Variants in DENND5B observed in about 807,000 individuals in gnomAD.
DENND5B encodes DENN domain-containing protein 5B.
In DENND5B, 34 loss-of-function variants were observed where a neutral mutation model predicts 140.6. The ratio of observed to expected loss-of-function variants is 0.24; its 90% confidence interval spans 0.18 to 0.32. The LOEUF (loss-of-function observed/expected upper bound fraction) is 0.32, where lower values mean the gene tolerates loss of function less well. Ranked by LOEUF, DENND5B falls within the 10% of genes least tolerant of loss-of-function variation. The pLI, the probability that DENND5B is intolerant of heterozygous loss-of-function variation, is 1.00. For missense variants in DENND5B, 1,142 were observed against 1,560.2 expected (o/e 0.73, Z 4.52); for synonymous variants, 551 against 562.1 (o/e 0.98, Z 0.28).
intron 1 of DENND5B, among the ~76,000 whole-genome samples, chr12:31,559,882 T>G (rs1949414945): frequency 6.6e-6 from 1 of 152,168 alleles, no homozygotes; most frequent in East Asian, 1.9e-4. Context: ...AAAAAAGAGA[T>G]ACTCTTAGTG....
chr12:31,423,087 C>A (rs1470237491), intron 11 of DENND5B, among the ~76,000 whole-genome samples: 1 of 151,934 alleles, frequency 6.6e-6, no homozygotes, highest in African/African-American at 2.4e-5. Context: ...ACTACAGGCA[C>A]CTGCCACCAC....
At chr12:31,443,664 C>T (rs1944147792) in intron 6 of DENND5B, 1 of 152,134 alleles carries the variant, frequency 6.6e-6, no homozygotes, top group Non-Finnish European at 1.5e-5. Context: ...GACGCAAGCA[C>T]AATGGCCTTA....
At chr12:31,532,053 G>A (rs1446261719) in intron 1 of DENND5B, among the ~76,000 whole-genome samples, 1 of 152,198 alleles carries the variant, frequency 6.6e-6, no homozygotes, top group African/African-American at 2.4e-5. Flanking sequence ...GGAATTTCCA[G>A]TTTGGGGAGA....
At chr12:31,443,161 T>C (rs1267028518) in intron 6 of DENND5B, among the ~76,000 whole-genome samples, 1 of 152,190 alleles carries the variant, frequency 6.6e-6, no homozygotes, top group Non-Finnish European at 1.5e-5. Context: ...CTGCAATCTC[T>C]ACCTCCTGGG....
At chr12:31,397,946 A>C (rs1941574858) in intron 17 of DENND5B, among the ~76,000 whole-genome samples, 1 of 152,124 alleles carries the variant, frequency 6.6e-6, no homozygotes, top group African/African-American at 2.4e-5. Context: ...TTTCAGGTAA[A>C]ATATTTACTC....
At chr12:31,447,802 A>C (rs1165724625) in intron 5 of DENND5B, 33 bp from the exon 6 acceptor site, 1 of 1,449,216 alleles carries the variant, frequency 6.9e-7, no homozygotes, top group Admixed American at 2.0e-5. Context: ...TTATTAGTGC[A>C]AAGAGACCAT....
intron 8 of DENND5B, among the ~76,000 whole-genome samples, chr12:31,426,926 C>A (rs1943263085): frequency 6.6e-6 from 1 of 152,182 alleles, no homozygotes; most frequent in South Asian, 2.1e-4. Flanking sequence ...ACAGTAAAAT[C>A]AGGAGCTTTC....
At chr12:31,576,905 A>C (rs1416770370) in intron 1 of DENND5B, among the ~76,000 whole-genome samples, 1 of 152,076 alleles carries the variant, frequency 6.6e-6, no homozygotes, top group East Asian at 1.9e-4. Context: ...TTTCTAAAAA[A>C]AAAAAGAGCG....
chr12:31,442,899 T>G lies in DENND5B; in HGVS notation c.1888A>C (p.Lys630Gln). 1 of 1,593,598 alleles carries G rather than the reference T, an allele frequency of 6.3e-7. No homozygotes were observed. Among genetic ancestry groups the G allele is most frequent in the Non-Finnish European group, 8.6e-7 (1 of 1,169,238 alleles). The change falls in exon 7 of 21, where the codon AAA becomes CAA. Residue 630 changes from lysine (K) to glutamine (Q), a missense_variant. This residue lies in a region of DENND5B where 708 missense variants were observed against 905.5 expected (regional missense o/e 0.78). Transcript: ENST00000389082. ...AAQSIEQRLM[K>Q]MDHTAIHPHL... ...GGGTGGATTGCAGTGTGATCCATTT[T>G]CATCAGTCTCTGCTCAATTGATTGG...
At position 31,387,591 on chromosome 12, in the gene DENND5B, T is replaced by C. The variant is rs367598612; in HGVS notation, c.*12A>G. The C allele has an allele frequency of 1.2e-5, 20 of 1,609,754 alleles. No individual in the cohort carries two copies. Among genetic ancestry groups the C allele is most frequent in the Non-Finnish European group, 1.7e-5 (20 of 1,176,758 alleles). ...GAGCAAGGTTTGGACTGAGAGTTTC[T>C]AGCCAGTTGGGTTACACATCCACTC... On this transcript the variant is annotated 3_prime_UTR_variant, in exon 21 of 21. Coordinates refer to ENST00000389082, the MANE Select transcript of DENND5B (RefSeq NM_144973.4).
At chr12:31,501,663 C>T (rs1251149982) in intron 1 of DENND5B, among the ~76,000 whole-genome samples, 4 of 151,332 alleles carry the variant, frequency 2.6e-5, no homozygotes, top group Non-Finnish European at 5.9e-5. Flanking sequence ...GTCCCAGCTA[C>T]TTGGGAGGCT....
At chr12:31,568,332 C>T (rs1349434891) in intron 1 of DENND5B, among the ~76,000 whole-genome samples, 1 of 152,176 alleles carries the variant, frequency 6.6e-6, no homozygotes, top group African/African-American at 2.4e-5. Flanking sequence ...AACACAAAAT[C>T]CTAAATACTT....
chr12:31,437,028 C>G (rs1253629961), intron 7 of DENND5B, among the ~76,000 whole-genome samples: 1 of 152,148 alleles, frequency 6.6e-6, no homozygotes, highest in Non-Finnish European at 1.5e-5. Flanking sequence ...ATTATAGTAT[C>G]TATCACAGAG....
At chr12:31,441,578 C>G (rs1944034467) in intron 7 of DENND5B, among the ~76,000 whole-genome samples, 1 of 151,966 alleles carries the variant, frequency 6.6e-6, no homozygotes, top group South Asian at 2.1e-4. Flanking sequence ...AACTCCTGGG[C>G]TCAAGTGATC....
intron 17 of DENND5B, 84 bp from the exon 18 acceptor site, chr12:31,392,780 G>A: frequency 1.5e-6 from 2 of 1,307,822 alleles, no homozygotes; most frequent in South Asian, 1.4e-5. Flanking sequence ...GTCCACCTAG[G>A]CAGGAAATAC....
At chr12:31,573,640 C>T (rs1280021307) in intron 1 of DENND5B, among the ~76,000 whole-genome samples, 1 of 152,204 alleles carries the variant, frequency 6.6e-6, no homozygotes, top group Admixed American at 6.5e-5. Context: ...GTGCAAGAGA[C>T]TCTTATAATG....
chr12:31,499,417 A>G (rs1184418604), intron 1 of DENND5B, among the ~76,000 whole-genome samples: 2 of 152,244 alleles, frequency 1.3e-5, no homozygotes, highest in African/African-American at 4.8e-5. Flanking sequence ...TACTGAATAC[A>G]TGTTTTCAAG....
intron 1 of DENND5B, among the ~76,000 whole-genome samples, chr12:31,550,078 T>C (rs1948992038): frequency 1.3e-5 from 2 of 151,902 alleles, no homozygotes; most frequent in Non-Finnish European, 1.5e-5. Flanking sequence ...TTTATTATTA[T>C]TATACTTTAA....
intron 1 of DENND5B, among the ~76,000 whole-genome samples, chr12:31,561,393 G>A (rs967020945): frequency 5.9e-5 from 9 of 152,172 alleles, no homozygotes; most frequent in African/African-American, 2.2e-4. Context: ...AGAGGCTGAG[G>A]AGGAAGGATC....
Sources: gnomAD v4.1 joint callset for allele counts (sites outside exome capture counted in the v4.1 genomes callset) on GRCh38, gnomAD v4.1.1 for gene constraint, gnomAD v4.1.1 regional missense constraint, MANE v1.5 for transcripts, NCBI Gene and HGNC (gene_info 2026-07-23, HGNC 2026-07-21) for gene names.